The following BBS9 variants were observed in gnomAD, a reference collection of about 807,000 sequenced individuals.
The protein encoded by BBS9 is Bardet-Biedl syndrome 9, also known as protein PTHB1.
In BBS9, 89 loss-of-function variants were observed where a neutral mutation model predicts 117.7. That is an observed-to-expected ratio of 0.76 (90% CI 0.64 to 0.90). The LOEUF (loss-of-function observed/expected upper bound fraction) is 0.90. Among genes scored for constraint, BBS9 ranks in the 40% least tolerant of loss-of-function variants. The pLI, the probability that BBS9 is intolerant of heterozygous loss-of-function variation, is 0.00. For synonymous variants in BBS9, 379 were observed against 370.9 expected (o/e 1.02, Z -0.25); for missense variants, 982 against 1,042.2 (o/e 0.94, Z 0.80).
chr7:33,292,228 GT>G (rs370951335), intron 9 of BBS9, among the ~76,000 whole-genome samples: 48,217 of 149,740 alleles, frequency 0.32, 8,127 homozygotes, highest in Admixed American at 0.44. Flanking sequence ...ACTTAAAAAT[GT>G]TTTTTTTTTT....
rs547853416 is a variant in BBS9, at chr7:33,347,168, T to C, written c.1330-1900T>C. On this transcript the variant is annotated intron_variant, in intron 12 of 22. Transcript: ENST00000242067. ...GGTTTATGATGGTACCTGTCAAACATTTTTGTAAAGAGTAAATTAAATAAT... is the reference window on the plus strand; with the variant it reads ...GGTTTATGATGGTACCTGTCAAACACTTTTGTAAAGAGTAAATTAAATAAT... Among the ~76,000 whole-genome samples the C allele has an allele frequency of 3.9e-5, 6 of 152,284 alleles. No individual in the cohort carries two copies. In the East Asian group the frequency reaches 1.2e-3, roughly 29 times the overall value.
chr7:33,190,780 C>G (rs1015662282), intron 5 of BBS9, among the ~76,000 whole-genome samples: 1 of 152,116 alleles, frequency 6.6e-6, no homozygotes, highest in East Asian at 1.9e-4. Flanking sequence ...TCATTGCCAC[C>G]AAAGGAATGT....
intron 9 of BBS9, among the ~76,000 whole-genome samples, chr7:33,310,251 C>T (rs1282144589): frequency 6.6e-6 from 1 of 152,202 alleles, no homozygotes; most frequent in Non-Finnish European, 1.5e-5. Flanking sequence ...TGTTTTTCTA[C>T]ATTTAATCGT....
At chr7:33,438,807 G>A (rs1835692720) in intron 19 of BBS9, among the ~76,000 whole-genome samples, 1 of 152,182 alleles carries the variant, frequency 6.6e-6, no homozygotes, top group Non-Finnish European at 1.5e-5. Flanking sequence ...GAGAAAGAAA[G>A]AACACAGGAT....
intron 5 of BBS9, among the ~76,000 whole-genome samples, chr7:33,201,483 A>G: frequency 6.6e-6 from 1 of 152,210 alleles, no homozygotes; most frequent in East Asian, 1.9e-4. Context: ...ATCCTACGTC[A>G]TCCCACTTTC....
intron 20 of BBS9, among the ~76,000 whole-genome samples, chr7:33,515,771 T>C (rs1248987144): frequency 6.6e-6 from 1 of 152,204 alleles, no homozygotes; most frequent in Non-Finnish European, 1.5e-5. Flanking sequence ...CACAGTTTAT[T>C]CTATCTGGAT....
intron 19 of BBS9, among the ~76,000 whole-genome samples, chr7:33,410,088 C>T (rs1450973284): frequency 6.6e-6 from 1 of 152,166 alleles, no homozygotes; most frequent in Non-Finnish European, 1.5e-5. Flanking sequence ...TCCTGGTGAG[C>T]CTGGACAACT....
At chr7:33,374,378 C>G (rs1250085859) in intron 17 of BBS9, among the ~76,000 whole-genome samples, 1 of 151,956 alleles carries the variant, frequency 6.6e-6, no homozygotes, top group African/African-American at 2.4e-5. Context: ...GTATAATAAC[C>G]AAATCTAAGG....
chr7:33,215,761 A>G (rs1788933445), intron 5 of BBS9, among the ~76,000 whole-genome samples: 1 of 152,248 alleles, frequency 6.6e-6, no homozygotes, highest in Non-Finnish European at 1.5e-5. Context: ...CTGAAGGACA[A>G]ATATTACATA....
At chr7:33,317,376 GTTAC>G (rs1810736152) in intron 9 of BBS9, among the ~76,000 whole-genome samples, 3 of 149,618 alleles carry the variant, frequency 2.0e-5, no homozygotes, top group Admixed American at 2.0e-4. Context: ...AAATCAACTT[GTTAC>G]TTAAAAAAAA....
chr7:33,464,009 G>C (rs551477874), intron 19 of BBS9, among the ~76,000 whole-genome samples: 1 of 152,136 alleles, frequency 6.6e-6, no homozygotes, highest in South Asian at 2.1e-4. Context: ...TTAAAATACA[G>C]TGTATTTTGT....
chr7:33,201,116 T>C (rs1338903696), intron 5 of BBS9, among the ~76,000 whole-genome samples: 1 of 152,092 alleles, frequency 6.6e-6, no homozygotes, highest in Admixed American at 6.5e-5. Context: ...TTTTTTTCAC[T>C]CCTATTTGGG....
rs74401860 is a variant in BBS9 at position 33,283,135 on chromosome 7, A to G, written c.1016+9179A>G. ...ATTCATTTCTTGGTGAGTTGAGTTT[A>G]ATCATCCTGTAGTTTTGTGGAAAGC... On this transcript the variant is annotated intron_variant, in intron 9 of 22. Transcript: ENST00000242067. 4.4e-3 allele frequency among the ~76,000 whole-genome samples: 671 copies of G among 152,268 alleles called. 6 individuals carry two copies. The highest frequency in any genetic ancestry group is 0.015 in the African/African-American group (633 of 41,558).
At chr7:33,596,573 T>C (rs1862851150) in intron 21 of BBS9, among the ~76,000 whole-genome samples, 1 of 152,082 alleles carries the variant, frequency 6.6e-6, no homozygotes, top group Non-Finnish European at 1.5e-5. Context: ...CCATAACTTT[T>C]TGCATTTTGT....
chr7:33,518,297 C>CTGGA (rs1298093609), intron 20 of BBS9, among the ~76,000 whole-genome samples: 17 of 133,792 alleles, frequency 1.3e-4, no homozygotes, highest in African/African-American at 4.9e-4. Context: ...TGTCGCCAGG[C>CTGGA]TGGAGTGCAC....
chr7:33,209,209 G>C (rs1388350688), intron 5 of BBS9, among the ~76,000 whole-genome samples: 1 of 152,076 alleles, frequency 6.6e-6, no homozygotes, highest in African/African-American at 2.4e-5. Context: ...GTCTTTCTGT[G>C]ACTGGCTTAT....
chr7:33,191,263 C>T (rs1784073886), intron 5 of BBS9, among the ~76,000 whole-genome samples: 1 of 152,036 alleles, frequency 6.6e-6, no homozygotes, highest in Non-Finnish European at 1.5e-5. Context: ...CTGAAAATAT[C>T]CTTATTTGGG....
At chr7:33,208,897 C>T (rs10262228) in intron 5 of BBS9, among the ~76,000 whole-genome samples, 24,383 of 151,880 alleles carry the variant, frequency 0.16, 2,223 homozygotes, top group South Asian at 0.26. Context: ...TGCATAATCA[C>T]ATCAGGGTAA....
At chr7:33,353,632 T>C (rs1390886825) in intron 15 of BBS9, among the ~76,000 whole-genome samples, 1 of 105,914 alleles carries the variant, frequency 9.4e-6, no homozygotes, top group East Asian at 3.0e-4. Flanking sequence ...TGTGGTAGTT[T>C]ATCTTTATAA....
Sources: allele counts gnomAD v4.1 joint callset (sites outside exome capture counted in the v4.1 genomes callset), GRCh38; gene constraint gnomAD v4.1.1; transcripts MANE v1.5; gene names NCBI Gene and HGNC (gene_info 2026-07-23, HGNC 2026-07-21).